The following NPTN variants were observed in gnomAD, a reference collection of about 807,000 sequenced individuals.
NPTN encodes the protein neuroplastin.
Under a neutral mutation model 42.7 loss-of-function variants are expected in NPTN, and 5 were observed. The observed-to-expected ratio is 0.12, with a 90% CI of 0.06 to 0.25. The LOEUF (loss-of-function observed/expected upper bound fraction) is 0.25. Among genes scored for constraint, NPTN ranks in the 10% least tolerant of loss-of-function variants. The probability of loss-of-function intolerance (pLI) is 1.00; values close to 1 mark genes in which losing one functional copy is unlikely to be tolerated. For missense variants in NPTN, 307 were observed against 525.4 expected (o/e 0.58, Z 4.06); for synonymous variants, 180 against 201.9 (o/e 0.89, Z 0.92).
intron 1 of NPTN, among the ~76,000 whole-genome samples, chr15:73,610,300 A>G (rs1595953004): frequency 6.6e-6 from 1 of 152,166 alleles, no homozygotes; most frequent in South Asian, 2.1e-4. Flanking sequence ...CGTTTTTTGT[A>G]CAGTATGCTA....
At position 73,591,994 on chromosome 15, in the gene NPTN, G is replaced by A. The variant is rs1253129075; in HGVS notation, c.583C>T (p.Arg195Cys). ...TKNGVELSAT[R>C]KNASNMEYRI... ...TACTCCATGTTGCTGGCATTCTTAC[G>A]AGTGGCACTCAGTTCCACCCCATTC... The change falls in exon 3 of 9, where the codon CGT (arginine) becomes TGT (cysteine). Residue 195 changes from arginine to cysteine, a missense_variant. Physicochemically the swap from Arg to Cys is radical, Grantham distance 180. Transcript: ENST00000345330. The A allele has an allele frequency of 2.5e-6, 4 of 1,613,570 alleles. No homozygotes were observed. The highest frequency in any genetic ancestry group is 2.2e-5 in the East Asian group (1 of 44,872).
chr15:73,563,458 A>G, intron 6 of NPTN: 1 of 1,392,648 alleles, frequency 7.2e-7, no homozygotes, highest in Non-Finnish European at 9.3e-7. Flanking sequence ...TTTAAATGGC[A>G]GGTATGTTGT....
intron 4 of NPTN, among the ~76,000 whole-genome samples, chr15:73,576,846 A>C (rs1895727583): frequency 6.6e-6 from 1 of 152,232 alleles, no homozygotes; most frequent in Non-Finnish European, 1.5e-5. Flanking sequence ...ACTTTATGCA[A>C]ATAATCAGGC....
intron 1 of NPTN, among the ~76,000 whole-genome samples, chr15:73,602,860 A>C (rs1025270744): frequency 6.6e-6 from 1 of 152,238 alleles, no homozygotes; most frequent in African/African-American, 2.4e-5. Context: ...CAGATATGAC[A>C]AAAGTTTGGA....
At chr15:73,612,982 C>T (rs1359609846) in intron 1 of NPTN, among the ~76,000 whole-genome samples, 4 of 152,086 alleles carry the variant, frequency 2.6e-5, no homozygotes, top group African/African-American at 4.8e-5. Context: ...AACCTGAATC[C>T]TTCTGAGAGT....
rs11853221 is a variant in NPTN, at chr15:73,568,194, T to C, written c.1114+1956A>G. 2,107 of 985,468 alleles carry C rather than the reference T, an allele frequency of 2.1e-3. 45 individuals are homozygous for C. The African/African-American group carries it at 0.034, about 16-fold the overall frequency. The allele number at this position is 985,468 out of a possible 1,614,324, so 61.0% of individuals were successfully genotyped here. On this transcript the variant is annotated intron_variant, in intron 6 of 8. Transcript: ENST00000345330. ...CATTTCTCAAATCTAACCTACCACATGCACTGTGATAGCAACCTCATAAGC... is the reference window on the plus strand; with the variant it reads ...CATTTCTCAAATCTAACCTACCACACGCACTGTGATAGCAACCTCATAAGC...
intron 1 of NPTN, among the ~76,000 whole-genome samples, chr15:73,609,970 A>G (rs1441188014): frequency 1.3e-5 from 2 of 152,120 alleles, no homozygotes; most frequent in Non-Finnish European, 2.9e-5. Flanking sequence ...TACTTCTAGT[A>G]TTTTCTAGCT....
At chr15:73,585,978 C>T (rs1049458831) in intron 4 of NPTN, among the ~76,000 whole-genome samples, 1 of 152,224 alleles carries the variant, frequency 6.6e-6, no homozygotes, top group Non-Finnish European at 1.5e-5. Context: ...ACCCCACCTT[C>T]GTAAGCAGCC....
At chr15:73,583,633 T>C (rs1896170987) in intron 4 of NPTN, among the ~76,000 whole-genome samples, 1 of 152,190 alleles carries the variant, frequency 6.6e-6, no homozygotes, top group Non-Finnish European at 1.5e-5. Context: ...CTGAAGTTAA[T>C]GTTCAAAATG....
At chr15:73,578,871 T>C (rs894544723) in intron 4 of NPTN, among the ~76,000 whole-genome samples, 5 of 151,230 alleles carry the variant, frequency 3.3e-5, no homozygotes, top group Non-Finnish European at 5.9e-5. Flanking sequence ...CAGGTGCCTG[T>C]AATCCCAGCT....
At position 73,585,039 on chromosome 15, in the gene NPTN, C is replaced by T. The variant is rs531817916; in HGVS notation, c.706+2485G>A. On this transcript the variant is annotated intron_variant, in intron 4 of 8. Coordinates refer to ENST00000345330, the MANE Select transcript of NPTN (RefSeq NM_012428.4). ...GTCCCTGGCTAGGCTAAATGCTTCA[C>T]TTCCCACAGTGCTGAGCCCAAACAA... is the stretch of plus-strand genomic sequence containing the variant. Among the ~76,000 whole-genome samples, 4 of 152,342 alleles carry T rather than the reference C, an allele frequency of 2.6e-5. No individual in the cohort carries two copies. The East Asian group carries it at 7.7e-4, about 29-fold the overall frequency.
rs867196191 is a variant in NPTN at position 73,605,105 on chromosome 15, G to T, written c.92-7736C>A. 4.1e-5 allele frequency among the ~76,000 whole-genome samples: 6 copies of T among 146,162 alleles called. 1 individual carries two copies. The East Asian group carries it at 6.0e-4, about 15-fold the overall frequency. ...GAGTAGAGACCCTGTCTCAAGGGGG[G>T]GGGGGGAAAAGAATGATCTAAACTA... is the stretch of plus-strand genomic sequence containing the variant. On this transcript the variant is annotated intron_variant, in intron 1 of 8. Coordinates refer to ENST00000345330, the MANE Select transcript of NPTN (RefSeq NM_012428.4).
Position 73,597,368 on chromosome 15 carries a change from A to T in NPTN, c.93T>A (p.Ala31=). The change falls in exon 2 of 9, where the codon GCT becomes GCA. Residue 31 remains alanine, a splice_region_variant and synonymous_variant. Coordinates refer to ENST00000345330, the MANE Select transcript of NPTN (RefSeq NM_012428.4). This position sits in a 1 kb window ranked among gnomAD's most constrained non-coding sequence, Gnocchi z 6.3. ...CTGACATGGGCGACTTGACAAACCC[A>T]GCTAGAGGGAGGGGGAGCAGGAATG... The part of the protein sequence containing the change: ...LLPGPGAAQN[A]GFVKSPMSET... 2 of 1,609,268 alleles carry T rather than the reference A, an allele frequency of 1.2e-6. No individual in the cohort carries two copies. The highest frequency in any genetic ancestry group is 1.7e-6 in the Non-Finnish European group (2 of 1,176,126).
At position 73,597,379 on chromosome 15, in the gene NPTN, G is replaced by T; in HGVS notation, c.92-10C>A. 1.2e-6 allele frequency: 2 copies of T among 1,602,490 alleles called. No individual in the cohort carries two copies. Among genetic ancestry groups the T allele is most frequent in the Middle Eastern group, 1.7e-4 (1 of 6,022 alleles). On this transcript the variant is annotated splice_polypyrimidine_tract_variant and intron_variant, in intron 1 of 8. Transcript: ENST00000345330. This position sits in a 1 kb window ranked among gnomAD's most constrained non-coding sequence, Gnocchi z 6.3. ...GACTTGACAAACCCAGCTAGAGGGAGGGGGAGCAGGAATGCAGTGACAGGC... is the reference window on the plus strand; with the variant it reads ...GACTTGACAAACCCAGCTAGAGGGATGGGGAGCAGGAATGCAGTGACAGGC...
chr15:73,633,235 A>C lies in NPTN; in HGVS notation c.-20T>G. The C allele has an allele frequency of 6.7e-7, 1 of 1,497,720 alleles. No individual in the cohort carries two copies. The highest frequency in any genetic ancestry group is 8.9e-7 in the Non-Finnish European group (1 of 1,123,786). 92.8% of individuals were successfully genotyped at this position (1,497,720 alleles called of 1,614,324 possible). A position where few individuals can be genotyped will look rare whatever the true frequency, so the allele number is the denominator to read the frequency against. On this transcript the variant is annotated 5_prime_UTR_variant, in exon 1 of 9. Transcript: ENST00000345330. ...CGACATCCTCCCTAGCAGAAGACCC[A>C]ACAGCGAATGGGCCGGGGCCAGAGC...
rs371571644 is a variant in NPTN at position 73,592,184 on chromosome 15, C to T, written c.440-47G>A. 2.9e-5 allele frequency: 45 copies of T among 1,545,344 alleles called. No individual in the cohort carries two copies. In the African/African-American group the frequency reaches 4.9e-4, roughly 17 times the overall value. Reference sequence around the variant, plus strand: ...ATAGGGGGCAATAGCCTTCCATCCTCTGTAGCCCTGGCCTGAGAGTTGGAC... The same window carrying T: ...ATAGGGGGCAATAGCCTTCCATCCTTTGTAGCCCTGGCCTGAGAGTTGGAC... On this transcript the variant is annotated intron_variant, in intron 2 of 8. Coordinates refer to ENST00000345330, the MANE Select transcript of NPTN (RefSeq NM_012428.4).
chr15:73,594,876 T>C (rs1007145737), intron 2 of NPTN, among the ~76,000 whole-genome samples: 3 of 151,610 alleles, frequency 2.0e-5, no homozygotes, highest in African/African-American at 7.3e-5. Context: ...GAACACCTGA[T>C]GTCCCCATAG....
chr15:73,587,867 C>T (rs1356417688), intron 3 of NPTN, among the ~76,000 whole-genome samples: 1 of 152,176 alleles, frequency 6.6e-6, no homozygotes, highest in African/African-American at 2.4e-5. Flanking sequence ...CTCTGGTCTA[C>T]TGGGAGAAAC....
In NPTN at chr15:73,587,588, G is replaced by T. The variant is rs780160835; in HGVS notation, c.642C>A (p.Gly214=). 1.4e-5 allele frequency: 22 copies of T among 1,613,854 alleles called. No homozygotes were observed. In the Middle Eastern group the frequency reaches 1.2e-3, roughly 85 times the overall value. The change falls in exon 4 of 9, where the codon GGC becomes GGA. Residue 214 remains glycine, a synonymous_variant. Transcript: ENST00000345330. The part of the protein sequence containing the change: ...RINKPRAEDS[G]EYHCVYHFVS... ...CAAAGTGATATACGCAGTGGTATTC[G>T]CCTGAATCCTCAGCTCTCGGCTTAT... is the stretch of plus-strand genomic sequence containing the variant.
Sources: gnomAD v4.1 joint callset for allele counts (sites outside exome capture counted in the v4.1 genomes callset) on GRCh38, gnomAD v4.1.1 for gene constraint, Gnocchi (gnomAD v3.1) non-coding constraint, MANE v1.5 for transcripts, NCBI Gene and HGNC (gene_info 2026-07-23, HGNC 2026-07-21) for gene names.